MIB1: variants seen among roughly 807,000 people sequenced by gnomAD.
MIB1 encodes MIB E3 ubiquitin protein ligase 1.
MIB1 carries 278 observed loss-of-function variants against 124.5 expected under a neutral mutation model. The observed-to-expected ratio is 2.23, with a 90% CI of 2.02 to 2.47. The LOEUF is 2.47. MIB1 is among the 30% of genes most tolerant of loss of function. MIB1 has a pLI of 0.00. For synonymous variants in MIB1, 446 were observed against 429.4 expected (o/e 1.04, Z -0.48); for missense variants, 957 against 1,254.4 (o/e 0.76, Z 3.58).
chr18:21,868,716 T>C lies in MIB1; in HGVS notation c.*4050T>C, dbSNP rs2042337299. On this transcript the variant is annotated 3_prime_UTR_variant, in exon 21 of 21. Transcript: ENST00000261537. The stretch of plus-strand genomic sequence containing the variant: ...GATAGGAATGCTTACTGATATTACT[T>C]GATAGTCATATATAGCCTAGGAAAT... The C allele has an allele frequency of 6.6e-6, 1 of 152,458 alleles. No homozygotes were observed. The highest frequency in any genetic ancestry group is 2.4e-5 in the African/African-American group (1 of 41,440). The allele number at this position is 152,458 out of a possible 1,614,324, so 9.4% of individuals were successfully genotyped here.
intron 5 of MIB1, among the ~76,000 whole-genome samples, chr18:21,779,232 T>C (rs1360057358): frequency 1.3e-5 from 2 of 152,228 alleles, no homozygotes; most frequent in Non-Finnish European, 2.9e-5. Context: ...TAGTCTTTTA[T>C]AGACTCTACT....
chr18:21,819,375 C>T (rs1251493462), intron 11 of MIB1, 120 bp from the exon 12 acceptor site: 2 of 619,988 alleles, frequency 3.2e-6, no homozygotes, highest in Non-Finnish European at 5.5e-6. Flanking sequence ...AGAAAGTGCT[C>T]TTTTATTGGT....
At chr18:21,790,269 C>T (rs536927305) in intron 6 of MIB1, among the ~76,000 whole-genome samples, 3 of 152,180 alleles carry the variant, frequency 2.0e-5, no homozygotes, top group Admixed American at 6.5e-5. Flanking sequence ...ACTGAAATAC[C>T]GACCTCATGT....
chr18:21,723,282 G>C (rs1416460685), intron 1 of MIB1, among the ~76,000 whole-genome samples: 1 of 151,580 alleles, frequency 6.6e-6, no homozygotes, highest in African/African-American at 2.4e-5. Flanking sequence ...CTGATACTTT[G>C]TGGAGGCTGA....
intron 1 of MIB1, among the ~76,000 whole-genome samples, chr18:21,745,907 A>G (rs1803582435): frequency 6.6e-6 from 1 of 152,032 alleles, no homozygotes; most frequent in African/African-American, 2.4e-5. Context: ...GGGTTTCACC[A>G]TGTTGGCCAG....
At chr18:21,738,945 AC>A (rs1462108270), upstream of MIB1, among the ~76,000 whole-genome samples, 2 of 151,098 alleles carry the variant, frequency 1.3e-5, no homozygotes, top group African/African-American at 4.9e-5. Context: ...TCAGAGCAGA[AC>A]TGAAGGAGGT....
upstream of MIB1, among the ~76,000 whole-genome samples, chr18:21,736,348 C>T (rs572815102): frequency 3.7e-4 from 56 of 152,260 alleles, no homozygotes; most frequent in South Asian, 1.9e-3. Context: ...ACAAAAAGGA[C>T]GTCATCCGAA....
intron 1 of MIB1, among the ~76,000 whole-genome samples, chr18:21,713,612 CAAAAAAA>C (rs57282241): frequency 9.0e-5 from 4 of 44,210 alleles, no homozygotes; most frequent in South Asian, 7.2e-4. Context: ...GATTCTGTCT[CAAAAAAA>C]AAAAAAAAAA....
At chr18:21,844,018 C>A in intron 14 of MIB1, 74 bp from the exon 15 acceptor site, 3 of 1,452,994 alleles carry the variant, frequency 2.1e-6, no homozygotes, top group Non-Finnish European at 2.9e-6. Flanking sequence ...GGTGTTCTCA[C>A]CATTACTTTA....
intron 20 of MIB1, among the ~76,000 whole-genome samples, chr18:21,860,703 G>A (rs1365945662): frequency 6.6e-6 from 1 of 152,044 alleles, no homozygotes; most frequent in African/African-American, 2.4e-5. Context: ...TCAGTAGTTA[G>A]CGGCCCAGGA....
intron 7 of MIB1, among the ~76,000 whole-genome samples, chr18:21,792,631 CTGT>C (rs1301886135): frequency 6.6e-6 from 1 of 152,182 alleles, no homozygotes; most frequent in Non-Finnish European, 1.5e-5. Context: ...AATAAAATCT[CTGT>C]TGTTATGATG....
At chr18:21,710,418 C>T (rs1241564883) in intron 1 of MIB1, among the ~76,000 whole-genome samples, 1 of 151,882 alleles carries the variant, frequency 6.6e-6, no homozygotes, top group East Asian at 1.9e-4. Context: ...TGGATAAATA[C>T]AATACTAAAC....
At chr18:21,825,627 T>G (rs772144400) in intron 12 of MIB1, 144 of 491,592 alleles carry the variant, frequency 2.9e-4, no homozygotes, top group Admixed American at 2.3e-3. Flanking sequence ...GTCTGCATAA[T>G]GTAAATAAGT....
At chr18:21,842,045 A>G (rs1050540968) in intron 13 of MIB1, among the ~76,000 whole-genome samples, 3 of 123,412 alleles carry the variant, frequency 2.4e-5, no homozygotes, top group East Asian at 2.9e-4. Context: ...GCAGTGAGCT[A>G]TGTGCCACTG....
chr18:21,854,355 C>T (rs1390731635), intron 18 of MIB1, among the ~76,000 whole-genome samples: 1 of 152,170 alleles, frequency 6.6e-6, no homozygotes, highest in Non-Finnish European at 1.5e-5. Context: ...GCAAAAACAA[C>T]CATGGAAAAT....
At chr18:21,744,386 C>T (rs766652302) in intron 1 of MIB1, among the ~76,000 whole-genome samples, 2 of 152,114 alleles carry the variant, frequency 1.3e-5, no homozygotes, top group Non-Finnish European at 2.9e-5. Flanking sequence ...TTGCCCTTTA[C>T]CCACCTTCTT....
intron 7 of MIB1, chr18:21,794,222 A>G (rs1353985783): frequency 2.0e-5 from 3 of 152,160 alleles, no homozygotes; most frequent in African/African-American, 7.2e-5. Flanking sequence ...AAAAAAGTGT[A>G]AGAGAATGAA....
chr18:21,864,443 A>G (rs1358931332), intron 20 of MIB1, 83 bp from the exon 21 acceptor site: 2 of 1,120,442 alleles, frequency 1.8e-6, no homozygotes, highest in Non-Finnish European at 2.6e-6. Flanking sequence ...TAAAACAACT[A>G]AAGAAAATTA....
chr18:21,789,013 A>G (rs758528544), intron 6 of MIB1, among the ~76,000 whole-genome samples: 22 of 152,324 alleles, frequency 1.4e-4, no homozygotes, highest in Non-Finnish European at 2.6e-4. Context: ...CAGGTTTAAT[A>G]TTGTTTAGAT....
Sources: allele counts gnomAD v4.1 joint callset (sites outside exome capture counted in the v4.1 genomes callset), GRCh38; gene constraint gnomAD v4.1.1; transcripts MANE v1.5; gene names NCBI Gene and HGNC (gene_info 2026-07-23, HGNC 2026-07-21).